The following SATB1 variants were observed in gnomAD, a reference collection of about 807,000 sequenced individuals.
SATB1 encodes SATB homeobox 1.
SATB1 carries 11 observed loss-of-function variants against 86.9 expected under a neutral mutation model. That is an observed-to-expected ratio of 0.13 (90% confidence interval 0.08 to 0.21). SATB1 has a LOEUF of 0.21. Among genes scored for constraint, SATB1 ranks in the 10% least tolerant of loss-of-function variants. SATB1 has a pLI of 1.00. For synonymous variants in SATB1, 357 were observed against 357.2 expected (o/e 1.00, Z 0.01); for missense variants, 551 against 937.6 (o/e 0.59, Z 5.39).
At chr3:18,431,554 G>C (rs1020333683) in intron 2 of SATB1, among the ~76,000 whole-genome samples, 2 of 152,182 alleles carry the variant, frequency 1.3e-5, no homozygotes, top group African/African-American at 4.8e-5. Flanking sequence ...AATGGCTGAG[G>C]ATGAGGAGAA....
At chr3:18,408,250 A>G (rs569104707) in intron 5 of SATB1, among the ~76,000 whole-genome samples, 1 of 152,084 alleles carries the variant, frequency 6.6e-6, no homozygotes, top group African/African-American at 2.4e-5. Context: ...GAAGTCAGCC[A>G]CCTTCTCTGC....
chr3:18,443,068 A>G (rs1036756499), upstream of SATB1, among the ~76,000 whole-genome samples: 5 of 152,226 alleles, frequency 3.3e-5, no homozygotes, highest in African/African-American at 4.8e-5. The surrounding 1 kb of genome is among the most constrained non-coding windows in gnomAD (Gnocchi z 4.4). Context: ...GCTACATTTG[A>G]CCACAGAATA....
In SATB1 at chr3:18,357,541, ATTTT is replaced by A. The variant is rs10539857; in HGVS notation, c.1576-5350_1576-5347del. ...CCCACAAACATGCTAATAGAGGGCA[ATTTT>A]TTTTTTTTTTTTTTTTTTAAATAAA... On this transcript the variant is annotated intron_variant, in intron 9 of 10. Coordinates refer to ENST00000338745, the MANE Select transcript of SATB1 (RefSeq NM_002971.6). Among the ~76,000 whole-genome samples the A allele has an allele frequency of 6.3e-3, 854 of 135,554 alleles. 6 individuals carry two copies. Among genetic ancestry groups the A allele is most frequent in the African/African-American group, 0.021 (780 of 36,792 alleles). The allele number at this position is 135,554 out of a possible 152,430, so 88.9% of individuals were successfully genotyped here.
At chr3:18,397,027 TATACTC>T (rs1696995334) in intron 6 of SATB1, 146 bp downstream of exon 6, 1 of 591,536 alleles carries the variant, frequency 1.7e-6, no homozygotes, top group Non-Finnish European at 3.1e-6. Context: ...ATTATCTCAT[TATACTC>T]ATACCCACTT....
intron 1 of SATB1, chr3:18,445,484 CG>C (rs951705505): frequency 2.0e-5 from 20 of 985,340 alleles, no homozygotes; most frequent in Middle Eastern, 5.2e-4. Flanking sequence ...GTGCGCGGCG[CG>C]GTTCTCGTCG....
chr3:18,402,569 G>C (rs1479907950), intron 5 of SATB1, among the ~76,000 whole-genome samples: 2 of 152,078 alleles, frequency 1.3e-5, no homozygotes, highest in Admixed American at 6.6e-5. Flanking sequence ...GCTTTAAAGG[G>C]TAATTGGAGT....
rs1288309596 is a variant in SATB1, at chr3:18,394,122, T to C, written c.1206+340A>G. 6.6e-6 allele frequency among the ~76,000 whole-genome samples: 1 copy of C among 152,238 alleles called. No homozygotes were observed. The highest frequency in any genetic ancestry group is 1.5e-5 in the Non-Finnish European group (1 of 68,036). Reference sequence around the variant, plus strand: ...GAAGCCTGGAATCCTGCCAATAGCCTTGACTGAGTCATGAAACTTTTCTTA... The same window carrying C: ...GAAGCCTGGAATCCTGCCAATAGCCCTGACTGAGTCATGAAACTTTTCTTA... On this transcript the variant is annotated intron_variant, in intron 7 of 10. Coordinates refer to ENST00000338745, the MANE Select transcript of SATB1 (RefSeq NM_002971.6). The surrounding 1 kb of genome is among the most constrained non-coding windows in gnomAD (Gnocchi z 5.9).
At chr3:18,387,155 C>T (rs1559423018) in intron 7 of SATB1, among the ~76,000 whole-genome samples, 1 of 152,214 alleles carries the variant, frequency 6.6e-6, no homozygotes, top group African/African-American at 2.4e-5. Context: ...ATTCCTTAAA[C>T]TCTGACTTAT....
intron 5 of SATB1, among the ~76,000 whole-genome samples, chr3:18,399,742 C>T (rs564367412): frequency 6.7e-4 from 102 of 152,258 alleles, no homozygotes; most frequent in Admixed American, 1.1e-3. Flanking sequence ...TAATCCGTAA[C>T]TTATAATGCA....
At chr3:18,415,076 A>T (rs1219894038) in intron 5 of SATB1, 35 bp downstream of exon 5, 10 of 1,610,130 alleles carry the variant, frequency 6.2e-6, no homozygotes, top group Non-Finnish European at 8.5e-6. Flanking sequence ...GTTGCCCATG[A>T]TGTCTTATTA....
rs1694244011 is a variant in SATB1 at position 18,349,594 on chromosome 3, C to T, written c.1868G>A (p.Arg623Gln). 3.7e-6 allele frequency: 6 copies of T among 1,613,410 alleles called. No individual in the cohort carries two copies. The highest frequency in any genetic ancestry group is 4.2e-6 in the Non-Finnish European group (5 of 1,179,944). ...CACCGTGGGTTGCCGTGGGGGGAGC[C>T]GAGGGCCTGTCTGTGGCTGCTGCTG... ...QPQQQPQTGP[R>Q]LPPRQPTVAS... Residue 623 changes from arginine to glutamine, a missense_variant, in exon 11 of 11, where the codon CGG becomes CAG. Arg to Gln is a conservative substitution (Grantham distance 43). Transcript: ENST00000338745. The surrounding 1 kb of genome is among the most constrained non-coding windows in gnomAD (Gnocchi z 5.5).
At chr3:18,443,193 T>C (rs949982781), upstream of SATB1, among the ~76,000 whole-genome samples, 1 of 152,230 alleles carries the variant, frequency 6.6e-6, no homozygotes, top group East Asian at 1.9e-4. The surrounding 1 kb of genome is among the most constrained non-coding windows in gnomAD (Gnocchi z 4.4). Context: ...AAATTTCAGA[T>C]TGCTTAGGAC....
Position 18,425,276 on chromosome 3 carries a change from G to T in SATB1, c.-1674C>A, listed in dbSNP as rs113734589. ...TCCTCCCGGCCGCCCGCCGCCGCCCGGAGCCTTCCCCAGCGGGGCCGGCTC... is the reference window on the plus strand; with the variant it reads ...TCCTCCCGGCCGCCCGCCGCCGCCCTGAGCCTTCCCCAGCGGGGCCGGCTC... On this transcript the variant is annotated 5_prime_UTR_variant, in exon 1 of 11. Coordinates refer to ENST00000338745, the MANE Select transcript of SATB1 (RefSeq NM_002971.6). 0.029 allele frequency: 4,365 copies of T among 152,820 alleles called. 75 individuals are homozygous for T. Among genetic ancestry groups the T allele is most frequent in the Non-Finnish European group, 0.042 (2,925 of 69,014 alleles). 9.5% of individuals were successfully genotyped at this position (152,820 alleles called of 1,614,324 possible). A position where few individuals can be genotyped will look rare whatever the true frequency, so the allele number is the denominator to read the frequency against.
At chr3:18,427,832 C>G (rs1022333699), upstream of SATB1, among the ~76,000 whole-genome samples, 15 of 152,164 alleles carry the variant, frequency 9.9e-5, no homozygotes, top group Middle Eastern at 3.4e-3. Flanking sequence ...TAATGAATAA[C>G]AATATAGCAC....
In SATB1 at chr3:18,346,472, TGGG is replaced by T. The variant is rs1376735181; in HGVS notation, c.*2695_*2697del. 6.6e-6 allele frequency: 1 copy of T among 152,038 alleles called. No individual in the cohort carries two copies. The highest frequency in any genetic ancestry group is 1.5e-5 in the Non-Finnish European group (1 of 67,990). 9.4% of individuals were successfully genotyped at this position (152,038 alleles called of 1,614,324 possible). On this transcript the variant is annotated 3_prime_UTR_variant, in exon 11 of 11. Transcript: ENST00000338745. ...GATTGGCATGAGCGATAAATGACAT[TGGG>T]GGAGCAATATGGAAGATCATCTGGG...
chr3:18,371,963 C>T (rs1195942416), intron 9 of SATB1, among the ~76,000 whole-genome samples: 5 of 152,142 alleles, frequency 3.3e-5, no homozygotes, highest in Non-Finnish European at 4.4e-5. Context: ...TGTACCCACC[C>T]GAACCTGTCC....
At chr3:18,366,709 TCAA>T (rs1403434488) in intron 9 of SATB1, among the ~76,000 whole-genome samples, 2 of 152,148 alleles carry the variant, frequency 1.3e-5, no homozygotes, top group African/African-American at 4.8e-5. Context: ...CAGTCATCTA[TCAA>T]CAAGTCTCAG....
chr3:18,419,406 T>C (rs1338510290), intron 2 of SATB1, among the ~76,000 whole-genome samples: 1 of 152,202 alleles, frequency 6.6e-6, no homozygotes, highest in African/African-American at 2.4e-5. Flanking sequence ...TTAGAAGCTT[T>C]TGCTGAAGGT....
chr3:18,420,792 T>C lies in SATB1; in HGVS notation c.176A>G (p.His59Arg). 1 of 1,614,074 alleles carries C rather than the reference T, an allele frequency of 6.2e-7. No homozygotes were observed. The change falls in exon 2 of 11, where the codon CAC becomes CGC. Residue 59 changes from histidine to arginine, a missense_variant. This residue lies in a region of SATB1 where 153 missense variants were observed against 258.1 expected (regional missense o/e 0.59). Transcript: ENST00000338745. ...GAKMQGVPLK[H>R]SGHLMKTNLR... ...GTTGGTTTTCATCAGATGGCCCGAG[T>C]GTTTTAAAGGCACTCCCTGCATTTT...
Sources: gnomAD v4.1 joint callset for allele counts (sites outside exome capture counted in the v4.1 genomes callset) on GRCh38, gnomAD v4.1.1 for gene constraint, gnomAD v4.1.1 regional missense constraint, Gnocchi (gnomAD v3.1) non-coding constraint, MANE v1.5 for transcripts, NCBI Gene and HGNC (gene_info 2026-07-23, HGNC 2026-07-21) for gene names.